The following ST8SIA5 variants were observed in gnomAD, a reference collection of about 807,000 sequenced individuals.
ST8SIA5 encodes the protein ST8 alpha-N-acetyl-neuraminide alpha-2,8-sialyltransferase 5.
In ST8SIA5, 24 loss-of-function variants were observed where a neutral mutation model predicts 40.2. The observed-to-expected ratio is 0.60, with a 90% CI of 0.43 to 0.84. ST8SIA5 has a LOEUF of 0.84. ST8SIA5 is among the 40% of genes least tolerant of loss of function. The probability of loss-of-function intolerance (pLI) is 0.00; values close to 1 mark genes in which losing one functional copy is unlikely to be tolerated. For missense variants in ST8SIA5, 465 were observed against 498.5 expected (o/e 0.93, Z 0.64); for synonymous variants, 198 against 201.8 (o/e 0.98, Z 0.16).
chr18:46,710,814 A>AACTCTGGGG (rs2039724446), intron 1 of ST8SIA5, among the ~76,000 whole-genome samples: 2 of 152,148 alleles, frequency 1.3e-5, no homozygotes, highest in South Asian at 4.2e-4. Flanking sequence ...CTTGGGGGCA[A>AACTCTGGGG]CAGTACTCTG....
chr18:46,755,407 A>C (rs1208979076), intron 1 of ST8SIA5, among the ~76,000 whole-genome samples: 1 of 152,170 alleles, frequency 6.6e-6, no homozygotes, highest in Admixed American at 6.5e-5. Flanking sequence ...GAGAGTAGGG[A>C]GACACTAGCA....
At chr18:46,743,725 A>T (rs962609557) in intron 1 of ST8SIA5, among the ~76,000 whole-genome samples, 2 of 149,080 alleles carry the variant, frequency 1.3e-5, no homozygotes, top group Non-Finnish European at 3.0e-5. Flanking sequence ...CACCAAAAAG[A>T]TACTCCTTGA....
At chr18:46,713,069 G>C (rs1430004065) in intron 1 of ST8SIA5, among the ~76,000 whole-genome samples, 1 of 152,222 alleles carries the variant, frequency 6.6e-6, no homozygotes, top group Non-Finnish European at 1.5e-5. Flanking sequence ...AGCTGGGCCT[G>C]TGGGCCACCC....
intron 1 of ST8SIA5, among the ~76,000 whole-genome samples, chr18:46,707,334 C>A (rs1404575347): frequency 6.6e-6 from 1 of 152,212 alleles, no homozygotes; most frequent in Non-Finnish European, 1.5e-5. Flanking sequence ...GATATGGCTA[C>A]AAACCAGCTG....
At chr18:46,682,107 T>C in intron 5 of ST8SIA5, 43 bp from the exon 6 acceptor site, 2 of 1,531,058 alleles carry the variant, frequency 1.3e-6, no homozygotes, top group Non-Finnish European at 1.8e-6. Flanking sequence ...GGTCATTCAA[T>C]AGGTCAGGCT....
At chr18:46,723,960 A>G (rs1440891009) in intron 1 of ST8SIA5, among the ~76,000 whole-genome samples, 1 of 151,746 alleles carries the variant, frequency 6.6e-6, no homozygotes, top group African/African-American at 2.4e-5. Context: ...ATTTTTTTTC[A>G]ATAAAACCCT....
At chr18:46,709,670 A>G (rs1160879248) in intron 1 of ST8SIA5, among the ~76,000 whole-genome samples, 1 of 152,348 alleles carries the variant, frequency 6.6e-6, no homozygotes, top group African/African-American at 2.4e-5. Context: ...ATGTTGAGTA[A>G]AAAAATGCAA....
chr18:46,683,970 C>T (rs1321880987), intron 5 of ST8SIA5, among the ~76,000 whole-genome samples: 8 of 152,164 alleles, frequency 5.3e-5, no homozygotes, highest in Non-Finnish European at 8.8e-5. Context: ...GCCTAGGTCT[C>T]GTTCCTAGTG....
At chr18:46,725,858 C>T (rs1302902670) in intron 1 of ST8SIA5, among the ~76,000 whole-genome samples, 5 of 149,634 alleles carry the variant, frequency 3.3e-5, no homozygotes, top group African/African-American at 9.9e-5. Flanking sequence ...CAGTGGCTCA[C>T]GCCTGTAATC....
chr18:46,719,474 A>G (rs753185619), intron 1 of ST8SIA5, among the ~76,000 whole-genome samples: 3 of 152,198 alleles, frequency 2.0e-5, no homozygotes, highest in Non-Finnish European at 4.4e-5. Flanking sequence ...AGGTGCAGTG[A>G]GGGCTATGAG....
intron 1 of ST8SIA5, chr18:46,721,523 G>T: frequency 7.0e-7 from 1 of 1,428,420 alleles, no homozygotes; most frequent in Non-Finnish European, 9.5e-7. Context: ...GGTTAAGCCT[G>T]CCTACCAGAG....
At chr18:46,692,035 C>T in intron 3 of ST8SIA5, 134 bp downstream of exon 3, 1 of 890,730 alleles carries the variant, frequency 1.1e-6, no homozygotes, top group Admixed American at 1.9e-5. Flanking sequence ...TGCCCGGATT[C>T]CTAAGCCCAG....
chr18:46,730,676 A>G (rs1568273749), intron 1 of ST8SIA5, among the ~76,000 whole-genome samples: 1 of 152,208 alleles, frequency 6.6e-6, no homozygotes, highest in Non-Finnish European at 1.5e-5. Flanking sequence ...CTATCAAAAA[A>G]TCAAAAAATT....
chr18:46,740,423 T>C (rs551137790), intron 1 of ST8SIA5, among the ~76,000 whole-genome samples: 49 of 152,120 alleles, frequency 3.2e-4, no homozygotes, highest in African/African-American at 1.2e-3. Flanking sequence ...TAAATGTAAA[T>C]ATACTAAACT....
At position 46,749,944 on chromosome 18, in the gene ST8SIA5, A is replaced by G. The variant is rs536413701; in HGVS notation, c.131+6434T>C. Among the ~76,000 whole-genome samples, 12 of 152,288 alleles carry G rather than the reference A, an allele frequency of 7.9e-5. 1 individual carries two copies. The East Asian group carries it at 2.3e-3, about 29-fold the overall frequency. On this transcript the variant is annotated intron_variant, in intron 1 of 6. Transcript: ENST00000315087. Reference sequence around the variant, plus strand: ...CTCTTTCATCCCCACATGAGGAAACAAGAAGTCTACAACCTGCAGGAGGGC... The same window carrying G: ...CTCTTTCATCCCCACATGAGGAAACGAGAAGTCTACAACCTGCAGGAGGGC...
intron 1 of ST8SIA5, among the ~76,000 whole-genome samples, chr18:46,720,613 C>T (rs764533543): frequency 6.6e-6 from 1 of 152,154 alleles, no homozygotes; most frequent in African/African-American, 2.4e-5. Context: ...GGGAAACGGA[C>T]GTGAGAGTTA....
intron 2 of ST8SIA5, among the ~76,000 whole-genome samples, chr18:46,693,349 C>T (rs537953619): frequency 2.7e-4 from 41 of 152,318 alleles, no homozygotes; most frequent in Admixed American, 6.5e-4. Context: ...ATGCCCTTCT[C>T]TTTCTCCCTT....
intron 1 of ST8SIA5, among the ~76,000 whole-genome samples, chr18:46,731,317 G>C (rs779427088): frequency 3.3e-5 from 5 of 152,228 alleles, no homozygotes; most frequent in Non-Finnish European, 5.9e-5. Context: ...GGATGGTAGC[G>C]ACGATGATGG....
chr18:46,748,202 C>G (rs1414522669), intron 1 of ST8SIA5, among the ~76,000 whole-genome samples: 1 of 151,860 alleles, frequency 6.6e-6, no homozygotes, highest in Non-Finnish European at 1.5e-5. Context: ...CACATGTACC[C>G]TAGAACTCAA....
Sources: allele counts gnomAD v4.1 joint callset (sites outside exome capture counted in the v4.1 genomes callset), GRCh38; gene constraint gnomAD v4.1.1; transcripts MANE v1.5; gene names NCBI Gene and HGNC (gene_info 2026-07-23, HGNC 2026-07-21).